Variants in COPG2 observed in about 807,000 individuals in gnomAD.
COPG2 encodes the protein coatomer subunit gamma-2.
Under a neutral mutation model 46.3 loss-of-function variants are expected in COPG2, and 37 were observed. The ratio of observed to expected loss-of-function variants is 0.80; its 90% CI spans 0.61 to 1.05. The LOEUF (loss-of-function observed/expected upper bound fraction) is 1.05. Among genes scored for constraint, COPG2 ranks in the 50% least tolerant of loss-of-function variants. COPG2 has a pLI of 0.00. For synonymous variants in COPG2, 159 were observed against 129.7 expected, an observed-to-expected ratio of 1.23 and a Z score of -1.53; for missense variants, 427 against 387.8, an observed-to-expected ratio of 1.10 and a Z score of -0.85.
intron 20 of COPG2, chr7:130,511,859 G>A (rs367754025): frequency 1.5e-5 from 8 of 518,934 alleles, no homozygotes; most frequent in Non-Finnish European, 2.7e-5. Flanking sequence ...AAGCTTTTGA[G>A]GGAATGGCTA....
chr7:130,612,063 T>A, intron 8 of COPG2, 89 bp downstream of exon 8: 2 of 901,568 alleles, frequency 2.2e-6, no homozygotes, highest in South Asian at 2.9e-5. Flanking sequence ...TTAGTTAATG[T>A]TTATCTAGGG....
At chr7:130,667,573 T>A (rs782183734) in intron 1 of COPG2, 39 bp from the exon 2 acceptor site, 2 of 1,536,298 alleles carry the variant, frequency 1.3e-6, no homozygotes, top group Non-Finnish European at 9.0e-7. Flanking sequence ...CCTGAACAGC[T>A]GTTCTACACA....
chr7:130,541,089 G>A (rs1584967513), intron 20 of COPG2, among the ~76,000 whole-genome samples: 1 of 152,174 alleles, frequency 6.6e-6, no homozygotes, highest in East Asian at 1.9e-4. Flanking sequence ...CACGTGCAGT[G>A]GGGCTGATGG....
intron 20 of COPG2, among the ~76,000 whole-genome samples, chr7:130,527,996 T>C (rs1799789741): frequency 6.6e-6 from 1 of 151,880 alleles, no homozygotes; most frequent in Non-Finnish European, 1.5e-5. Flanking sequence ...GGATCTGTTG[T>C]CACGGGGAGG....
At chr7:130,608,128 T>C (rs782686035) in intron 9 of COPG2, 2 of 381,476 alleles carry the variant, frequency 5.2e-6, no homozygotes, top group Middle Eastern at 3.9e-4. Flanking sequence ...TACAAAGATT[T>C]TTTTGTTAGT....
chr7:130,535,710 T>G (rs1799873282), intron 20 of COPG2, among the ~76,000 whole-genome samples: 1 of 11,078 alleles, frequency 9.0e-5, no homozygotes, highest in East Asian at 2.4e-3. Flanking sequence ...TTAGGGGCAG[T>G]GGGACTGGGA....
chr7:130,603,377 C>G (rs1007165781), intron 9 of COPG2, among the ~76,000 whole-genome samples: 6 of 151,984 alleles, frequency 3.9e-5, no homozygotes, highest in Non-Finnish European at 7.4e-5. Context: ...TATGAATATA[C>G]CACAATTTAT....
intron 20 of COPG2, among the ~76,000 whole-genome samples, chr7:130,530,751 T>A (rs930338607): frequency 2.0e-5 from 3 of 149,916 alleles, no homozygotes; most frequent in Non-Finnish European, 3.0e-5. Flanking sequence ...AACAGGGGAG[T>A]CACCTACAGA....
At chr7:130,658,670 T>C (rs147536991) in intron 4 of COPG2, among the ~76,000 whole-genome samples, 235 of 152,162 alleles carry the variant, frequency 1.5e-3, no homozygotes, top group African/African-American at 5.2e-3. Flanking sequence ...TATAACTCAG[T>C]AAGATGACAA....
chr7:130,536,450 A>G (rs1483869001), intron 20 of COPG2, among the ~76,000 whole-genome samples: 1 of 152,176 alleles, frequency 6.6e-6, no homozygotes, highest in African/African-American at 2.4e-5. Context: ...AGGGGTGAGC[A>G]GTGTTCAGCT....
intron 5 of COPG2, among the ~76,000 whole-genome samples, chr7:130,624,969 A>G (rs1336922132): frequency 1.3e-5 from 2 of 152,098 alleles, no homozygotes; most frequent in African/African-American, 4.8e-5. Flanking sequence ...TCTACTTTTA[A>G]CTCTTTAAAG....
intron 9 of COPG2, among the ~76,000 whole-genome samples, chr7:130,575,805 C>A (rs1793990192): frequency 6.6e-6 from 1 of 152,178 alleles, no homozygotes; most frequent in Non-Finnish European, 1.5e-5. Context: ...TAACAACTCA[C>A]CAACCATCTG....
At chr7:130,560,248 A>G (rs1793696609) in intron 12 of COPG2, among the ~76,000 whole-genome samples, 2 of 152,208 alleles carry the variant, frequency 1.3e-5, no homozygotes, top group Non-Finnish European at 2.9e-5. Flanking sequence ...TTTTAATAAA[A>G]TATCAAAAGC....
At chr7:130,646,997 GTGTATATATATATGTA>G (rs1795619392) in intron 5 of COPG2, among the ~76,000 whole-genome samples, 186 of 40,978 alleles carry the variant, frequency 4.5e-3, no homozygotes, top group Non-Finnish European at 0.011. Context: ...ATATATATAT[GTGTATATATATATGTA>G]TATATATATA....
At chr7:130,565,869 A>G (rs2116408253) in intron 9 of COPG2, among the ~76,000 whole-genome samples, 1 of 152,294 alleles carries the variant, frequency 6.6e-6, no homozygotes, top group African/African-American at 2.4e-5. Context: ...GAAAACTTGT[A>G]GATCTACTGA....
intron 5 of COPG2, among the ~76,000 whole-genome samples, chr7:130,634,317 G>A (rs899176460): frequency 6.6e-6 from 1 of 152,088 alleles, no homozygotes; most frequent in African/African-American, 2.4e-5. Flanking sequence ...TGGGCAGTAT[G>A]GCCATTTTCA....
intron 9 of COPG2, among the ~76,000 whole-genome samples, chr7:130,569,911 C>A (rs1270326241): frequency 3.3e-5 from 5 of 152,270 alleles, no homozygotes; most frequent in African/African-American, 1.2e-4. Flanking sequence ...ATACGCAAGT[C>A]AATAAATGTG....
At chr7:130,583,246 A>G (rs1244889322) in intron 9 of COPG2, among the ~76,000 whole-genome samples, 5 of 151,232 alleles carry the variant, frequency 3.3e-5, no homozygotes, top group Non-Finnish European at 7.4e-5. Flanking sequence ...CTATCGCAAG[A>G]ACAAAAAACC....
chr7:130,612,985 C>T (rs782296502), intron 7 of COPG2, among the ~76,000 whole-genome samples: 17 of 152,172 alleles, frequency 1.1e-4, no homozygotes, highest in Non-Finnish European at 2.2e-4. Context: ...ATGTGTACAA[C>T]ATAACTTTCA....
Sources: allele counts gnomAD v4.1 joint callset (sites outside exome capture counted in the v4.1 genomes callset), GRCh38; gene constraint gnomAD v4.1.1; transcripts MANE v1.5; gene names NCBI Gene and HGNC (gene_info 2026-07-23, HGNC 2026-07-21).